LAMA5: variants seen among roughly 807,000 people sequenced by gnomAD.
The protein encoded by LAMA5 is laminin subunit alpha-5.
Under a neutral mutation model 433.4 loss-of-function variants are expected in LAMA5, and 260 were observed. The observed-to-expected ratio is 0.60, with a 90% CI of 0.54 to 0.66. The LOEUF (loss-of-function observed/expected upper bound fraction) is 0.66, where lower values mean the gene tolerates loss of function less well. LAMA5 is among the 30% of genes least tolerant of loss of function. The pLI, the probability that LAMA5 is intolerant of heterozygous loss-of-function variation, is 0.00. For missense variants in LAMA5, 5,378 were observed against 5,258.5 expected, an observed-to-expected ratio of 1.02 and a Z score of -0.70; for synonymous variants, 2,620 against 2,226.6, an observed-to-expected ratio of 1.18 and a Z score of -4.97.
rs979106726 is a variant in LAMA5 at position 62,359,665 on chromosome 20, G to A, written c.450+2735C>T. The stretch of plus-strand genomic sequence containing the variant: ...GCCCCCTGAGTCACCAGTGACCAGC[G>A]CTGGAGCCTCTTCCTGAGGCCCCAC... On this transcript the variant is annotated intron_variant, in intron 2 of 79. Coordinates refer to ENST00000252999, the MANE Select transcript of LAMA5 (RefSeq NM_005560.6). This position sits in a 1 kb window ranked among gnomAD's most constrained non-coding sequence, Gnocchi z 4.3. Among the ~76,000 whole-genome samples, 38 of 152,146 alleles carry A rather than the reference G, an allele frequency of 2.5e-4. No individual in the cohort carries two copies. Among genetic ancestry groups the A allele is most frequent in the African/African-American group, 8.4e-4 (35 of 41,506 alleles).
rs745365224 is a variant in LAMA5 at position 62,319,670 on chromosome 20, G to A, written c.6871+14C>T. Reference sequence around the variant, plus strand: ...CTGGCTCTGAGCCCTGAGCCTGGCTGGGCTGGCCCCTACCGCTCAGGGTGC... The same window carrying A: ...CTGGCTCTGAGCCCTGAGCCTGGCTAGGCTGGCCCCTACCGCTCAGGGTGC... On this transcript the variant is annotated intron_variant, in intron 51 of 79. Transcript: ENST00000252999. 1.2e-5 allele frequency: 18 copies of A among 1,525,750 alleles called. No homozygotes were observed. The highest frequency in any genetic ancestry group is 3.9e-5 in the Admixed American group (2 of 50,754). The allele number at this position is 1,525,750 out of a possible 1,614,324, so 94.5% of individuals were successfully genotyped here. A position where few individuals can be genotyped will look rare whatever the true frequency, so the allele number is the denominator to read the frequency against.
chr20:62,343,700 C>CG (rs1568961130), intron 11 of LAMA5, among the ~76,000 whole-genome samples: 1 of 131,306 alleles, frequency 7.6e-6, no homozygotes, highest in African/African-American at 2.7e-5. Flanking sequence ...CACTTGAACT[C>CG]GGGGGGCAGA....
chr20:62,312,865 C>G (rs1435830148), intron 66 of LAMA5, 23 bp downstream of exon 66: 1 of 1,599,686 alleles, frequency 6.3e-7, no homozygotes, highest in African/African-American at 1.3e-5. Context: ...TCCCTGCCAC[C>G]CTGGTCCCCA....
At chr20:62,318,360 CGAGGGGAGGG>C (rs1275859043) in intron 53 of LAMA5, 84 bp downstream of exon 53, 2 of 451,998 alleles carry the variant, frequency 4.4e-6, no homozygotes, top group African/African-American at 9.7e-5. Flanking sequence ...GAGGGGAGGA[CGAGGGGAGGG>C]GAGGGGAGGA....
chr20:62,367,249 C>T lies in LAMA5; in HGVS notation c.-4G>A. The T allele has an allele frequency of 1.7e-6, 2 of 1,174,268 alleles. No individual in the cohort carries two copies. Among genetic ancestry groups the T allele is most frequent in the Non-Finnish European group, 2.1e-6 (2 of 953,024 alleles). The allele number at this position is 1,174,268 out of a possible 1,614,324, so 72.7% of individuals were successfully genotyped here. A position where few individuals can be genotyped will look rare whatever the true frequency, so the allele number is the denominator to read the frequency against. On this transcript the variant is annotated 5_prime_UTR_variant, in exon 1 of 80. Coordinates refer to ENST00000252999, the MANE Select transcript of LAMA5 (RefSeq NM_005560.6). Reference sequence around the variant, plus strand: ...CCGCGCAGAGCCGCTTCGCCATCTTCCCGGCTCCGGGCCGCGTCCCCGAGC... The same window carrying T: ...CCGCGCAGAGCCGCTTCGCCATCTTTCCGGCTCCGGGCCGCGTCCCCGAGC...
At position 62,337,999 on chromosome 20, in the gene LAMA5, C is replaced by A; in HGVS notation, c.1891+17G>T. 1 of 1,595,562 alleles carries A rather than the reference C, an allele frequency of 6.3e-7. No homozygotes were observed. Reference sequence around the variant, plus strand: ...TGTGGGTGGCAGAACCCCTTCCTGCCCTGACCCTCTGCTCACCTTGGCAGT... The same window carrying A: ...TGTGGGTGGCAGAACCCCTTCCTGCACTGACCCTCTGCTCACCTTGGCAGT... On this transcript the variant is annotated intron_variant, in intron 14 of 79. Coordinates refer to ENST00000252999, the MANE Select transcript of LAMA5 (RefSeq NM_005560.6).
In LAMA5 at chr20:62,357,304, T is replaced by C. The variant is rs553635024; in HGVS notation, c.451-4053A>G. 7.2e-5 allele frequency among the ~76,000 whole-genome samples: 11 copies of C among 152,176 alleles called. 1 individual carries two copies. The South Asian group carries it at 2.1e-3, about 29-fold the overall frequency. On this transcript the variant is annotated intron_variant, in intron 2 of 79. Transcript: ENST00000252999. Reference sequence around the variant, plus strand: ...GCAGGAAGAAGGGCGTTGTGCCAATTCCCGGGGCAGGAAAAGCCCCTCCTA... The same window carrying C: ...GCAGGAAGAAGGGCGTTGTGCCAATCCCCGGGGCAGGAAAAGCCCCTCCTA...
intron 11 of LAMA5, among the ~76,000 whole-genome samples, chr20:62,339,900 C>T (rs1342990020): frequency 2.0e-5 from 3 of 152,116 alleles, no homozygotes; most frequent in Admixed American, 6.6e-5. Flanking sequence ...AGATAAAAAC[C>T]GAAGACGTCA....
chr20:62,333,851 G>GCT lies in LAMA5; in HGVS notation c.2878+49_2878+50insAG, dbSNP rs770183561. On this transcript the variant is annotated intron_variant, in intron 23 of 79. Transcript: ENST00000252999. ...GGGGCTTGGGAGTGGGGTGGGGTGG[G>GCT]GTGGGCTGGGCTGGTGGGGCAGGGG... The GCT allele has an allele frequency of 2.3e-5, 34 of 1,476,006 alleles. No homozygotes were observed. The East Asian group carries it at 4.5e-4, about 20-fold the overall frequency. 91.4% of individuals were successfully genotyped at this position (1,476,006 alleles called of 1,614,324 possible). A position where few individuals can be genotyped will look rare whatever the true frequency, so the allele number is the denominator to read the frequency against.
intron 62 of LAMA5, 46 bp from the exon 63 acceptor site, chr20:62,313,848 G>T: frequency 6.3e-7 from 1 of 1,583,346 alleles, no homozygotes; most frequent in South Asian, 1.1e-5. Flanking sequence ...GAGAGATGAG[G>T]GGTGGCGAGT....
intron 26 of LAMA5, among the ~76,000 whole-genome samples, 160 bp from the exon 27 acceptor site, chr20:62,332,877 G>A (rs1980748140): frequency 7.0e-6 from 1 of 142,044 alleles, no homozygotes. Context: ...TGAGCTGTAT[G>A]TGGAGGCCAC....
At chr20:62,336,517 G>T in intron 17 of LAMA5, 72 bp from the exon 18 acceptor site, 1 of 1,374,052 alleles carries the variant, frequency 7.3e-7, no homozygotes, top group Non-Finnish European at 1.0e-6. Flanking sequence ...GAGCCATAGA[G>T]CCCTGACAAG....
chr20:62,350,367 A>C (rs558130371), intron 6 of LAMA5, among the ~76,000 whole-genome samples: 1 of 152,156 alleles, frequency 6.6e-6, no homozygotes, highest in African/African-American at 2.4e-5. Context: ...GCTCCTGGCA[A>C]ACAGCCCAAG....
At chr20:62,334,483 G>GC in intron 21 of LAMA5, 39 bp downstream of exon 21, 1 of 1,529,156 alleles carries the variant, frequency 6.5e-7, no homozygotes, top group Non-Finnish European at 8.8e-7. Flanking sequence ...CAAGCTGCCT[G>GC]CCCCGCTCCC....
chr20:62,345,132 C>T (rs6121542), intron 11 of LAMA5, among the ~76,000 whole-genome samples: 2 of 152,040 alleles, frequency 1.3e-5, no homozygotes. Context: ...ATTTTCCTGC[C>T]TCAGCCTCCT....
Position 62,316,765 on chromosome 20 carries a change from C to T in LAMA5, c.7662G>A (p.Val2554=), listed in dbSNP as rs750985485. The T allele has an allele frequency of 7.5e-6, 12 of 1,604,922 alleles. No individual in the cohort carries two copies. In the East Asian group the frequency reaches 1.1e-4, roughly 15 times the overall value. ...QQADHTWATV[V]RQGLVDRAQQ... is the part of the protein sequence containing the mutation. ...GGGCTCGGTCCACCAGGCCCTGCCG[C>T]ACCACCGTCTGTGGATGCCAGGGCA... The change falls in exon 57 of 80, where the codon GTG becomes GTA. Residue 2554 remains valine, a synonymous_variant. Transcript: ENST00000252999.
Position 62,316,257 on chromosome 20 carries a change from G to T in LAMA5, c.7757-199C>A, listed in dbSNP as rs557550556. 2.3e-3 allele frequency: 1,382 copies of T among 596,622 alleles called. 9 individuals carry two copies. Among genetic ancestry groups the T allele is most frequent in the African/African-American group, 0.023 (1,227 of 53,924 alleles). The allele number at this position is 596,622 out of a possible 1,614,324, so 37.0% of individuals were successfully genotyped here. ...AGCCTCTGTTCCCTGAAGGCCTCTG[G>T]TCCCACTGCAGGCATAGCTGTCCCC... On this transcript the variant is annotated intron_variant, in intron 57 of 79. Transcript: ENST00000252999.
Position 62,310,750 on chromosome 20 carries a change from C to G in LAMA5, c.10361G>C (p.Arg3454Pro). ...GGGGTGCTCTGCCCCCTGGTGCTGC[C>G]GGTGCGGCCCCTCCTGGCTCCAGGC... ...ARAWSQEGPH[R>P]QHQGAEHPQP... is the part of the protein sequence containing the mutation. The change falls in exon 75 of 80, where the codon CGG becomes CCG. Residue 3454 changes from arginine (R) to proline (P), a missense_variant. Coordinates refer to ENST00000252999, the MANE Select transcript of LAMA5 (RefSeq NM_005560.6). The G allele has an allele frequency of 6.4e-7, 1 of 1,570,850 alleles. No individual in the cohort carries two copies. The highest frequency in any genetic ancestry group is 8.6e-7 in the Non-Finnish European group (1 of 1,160,542).
At chr20:62,311,562 C>G in intron 71 of LAMA5, 26 bp from the exon 72 acceptor site, 1 of 1,609,790 alleles carries the variant, frequency 6.2e-7, no homozygotes. Flanking sequence ...AGGCGGTCAG[C>G]AGCTGCGGAA....
Sources: allele counts gnomAD v4.1 joint callset (sites outside exome capture counted in the v4.1 genomes callset), GRCh38; gene constraint gnomAD v4.1.1; non-coding constraint Gnocchi (gnomAD v3.1); transcripts MANE v1.5; gene names NCBI Gene and HGNC (gene_info 2026-07-23, HGNC 2026-07-21).